Variants in SPOCK1 observed in about 807,000 individuals in gnomAD.
The protein encoded by SPOCK1 is testican-1.
Under a neutral mutation model 55.3 loss-of-function variants are expected in SPOCK1, and 23 were observed. The ratio of observed to expected loss-of-function variants is 0.42; its 90% CI spans 0.30 to 0.59. The LOEUF is 0.59. SPOCK1 is among the 20% of genes least tolerant of loss of function. The pLI, the probability that SPOCK1 is intolerant of heterozygous loss-of-function variation, is 0.22. For synonymous variants in SPOCK1, 226 were observed against 221.0 expected, an observed-to-expected ratio of 1.02 and a Z score of -0.20; for missense variants, 499 against 552.5, an observed-to-expected ratio of 0.90 and a Z score of 0.97.
chr5:137,084,097 C>T (rs563843329), intron 5 of SPOCK1, among the ~76,000 whole-genome samples: 2 of 152,200 alleles, frequency 1.3e-5, no homozygotes, highest in Non-Finnish European at 1.5e-5. Flanking sequence ...CAGCTCAGTG[C>T]CCAGTGCAGA....
chr5:137,083,328 G>A (rs574471592), intron 5 of SPOCK1, among the ~76,000 whole-genome samples: 1 of 152,290 alleles, frequency 6.6e-6, no homozygotes, highest in East Asian at 1.9e-4. Flanking sequence ...CAGCAGAGTG[G>A]CGGAAGCAGA....
intron 2 of SPOCK1, among the ~76,000 whole-genome samples, chr5:137,473,908 C>T (rs1329072052): frequency 6.6e-6 from 1 of 152,068 alleles, no homozygotes; most frequent in Non-Finnish European, 1.5e-5. Context: ...TACTATGCAG[C>T]CATAAAAAGG....
At chr5:137,079,537 C>CCCCG (rs1752836898) in intron 5 of SPOCK1, among the ~76,000 whole-genome samples, 2 of 91,848 alleles carry the variant, frequency 2.2e-5, no homozygotes, top group African/African-American at 6.1e-5. Context: ...TCTGATTCCC[C>CCCCG]CCCCCCCCGA....
At chr5:137,337,164 G>A (rs149907659) in intron 2 of SPOCK1, among the ~76,000 whole-genome samples, 1 of 152,298 alleles carries the variant, frequency 6.6e-6, no homozygotes, top group East Asian at 1.9e-4. Context: ...ACAGGCTCAA[G>A]AAGTTACATA....
At chr5:137,297,209 C>CA (rs2127134533) in intron 2 of SPOCK1, among the ~76,000 whole-genome samples, 1 of 152,160 alleles carries the variant, frequency 6.6e-6, no homozygotes, top group Admixed American at 6.5e-5. Context: ...TATTTTTATA[C>CA]AAATAAGTGT....
chr5:137,405,433 C>A (rs527650367), intron 2 of SPOCK1, among the ~76,000 whole-genome samples: 1 of 152,264 alleles, frequency 6.6e-6, no homozygotes, highest in East Asian at 1.9e-4. Flanking sequence ...AAGCTGGCTG[C>A]CCGTTTCTCC....
At chr5:137,291,986 G>A (rs1038949514) in intron 2 of SPOCK1, among the ~76,000 whole-genome samples, 2 of 152,232 alleles carry the variant, frequency 1.3e-5, no homozygotes, top group African/African-American at 4.8e-5. Context: ...AACTGCCAGA[G>A]AAGATCTTCC....
chr5:137,368,922 C>A (rs1751137085), intron 2 of SPOCK1, among the ~76,000 whole-genome samples: 2 of 152,250 alleles, frequency 1.3e-5, no homozygotes, highest in African/African-American at 4.8e-5. Flanking sequence ...CAGCAAGCTG[C>A]AGCTAGGCAA....
intron 5 of SPOCK1, among the ~76,000 whole-genome samples, chr5:137,079,321 T>C (rs1467829195): frequency 1.3e-5 from 2 of 152,228 alleles, no homozygotes; most frequent in Non-Finnish European, 2.9e-5. Flanking sequence ...TATAGATGCA[T>C]GGGCAGGAGG....
intron 2 of SPOCK1, among the ~76,000 whole-genome samples, chr5:137,348,167 G>C (rs1042626340): frequency 6.6e-6 from 1 of 152,150 alleles, no homozygotes; most frequent in Non-Finnish European, 1.5e-5. Context: ...CACTAAGTAA[G>C]TTCGTATAGA....
intron 3 of SPOCK1, among the ~76,000 whole-genome samples, chr5:137,160,322 ATATATATAT>A (rs1754501335): frequency 7.7e-6 from 1 of 130,122 alleles, no homozygotes; most frequent in South Asian, 2.3e-4. Context: ...GTATTCCATA[ATATATATAT>A]TATATATATT....
intron 5 of SPOCK1, among the ~76,000 whole-genome samples, chr5:137,099,798 A>G (rs1035771497): frequency 9.9e-5 from 15 of 152,168 alleles, no homozygotes; most frequent in Admixed American, 7.9e-4. Context: ...GTCAACGGAA[A>G]GGAGCCAGTC....
chr5:137,236,663 A>G (rs1291271742), intron 3 of SPOCK1, among the ~76,000 whole-genome samples: 1 of 152,152 alleles, frequency 6.6e-6, no homozygotes, highest in African/African-American at 2.4e-5. Flanking sequence ...CTATGGTCAT[A>G]TCTGACCTGG....
chr5:137,241,479 C>T (rs1005978218), intron 3 of SPOCK1, among the ~76,000 whole-genome samples: 3 of 152,188 alleles, frequency 2.0e-5, no homozygotes, highest in African/African-American at 7.2e-5. Flanking sequence ...CAAATACTGA[C>T]TGCTATGGTT....
intron 2 of SPOCK1, among the ~76,000 whole-genome samples, chr5:137,281,157 C>T (rs1043353964): frequency 3.3e-5 from 5 of 152,048 alleles, no homozygotes; most frequent in Non-Finnish European, 7.4e-5. Flanking sequence ...ATCATTGACT[C>T]ATTCATTTAA....
intron 2 of SPOCK1, among the ~76,000 whole-genome samples, chr5:137,322,348 A>AC (rs55986688): frequency 0.57 from 82,081 of 144,796 alleles, 23,790 homozygotes; most frequent in Admixed American, 0.65. Flanking sequence ...AAAAAAAAAA[A>AC]ACACACACAC....
intron 3 of SPOCK1, among the ~76,000 whole-genome samples, chr5:137,204,218 T>C (rs1755480047): frequency 6.7e-6 from 1 of 149,176 alleles, no homozygotes; most frequent in Non-Finnish European, 1.5e-5. Context: ...AAATGTTAGA[T>C]GCTAATATTA....
chr5:137,213,470 A>G (rs1183081482), intron 3 of SPOCK1, among the ~76,000 whole-genome samples: 1 of 152,222 alleles, frequency 6.6e-6, no homozygotes, highest in Non-Finnish European at 1.5e-5. Context: ...TCAAACCTCT[A>G]TCAAGCAAGT....
At chr5:137,390,851 C>T (rs376414875) in intron 2 of SPOCK1, among the ~76,000 whole-genome samples, 18 of 152,206 alleles carry the variant, frequency 1.2e-4, no homozygotes, top group African/African-American at 4.1e-4. Flanking sequence ...GGGGGTGTGG[C>T]AAATGGAACA....
Sources: gnomAD v4.1 joint callset for allele counts (sites outside exome capture counted in the v4.1 genomes callset) on GRCh38, gnomAD v4.1.1 for gene constraint, MANE v1.5 for transcripts, NCBI Gene and HGNC (gene_info 2026-07-23, HGNC 2026-07-21) for gene names.